EDC3: variants seen among roughly 807,000 people sequenced by gnomAD.
EDC3 encodes the protein enhancer of mRNA decapping 3.
EDC3 carries 20 observed loss-of-function variants against 41.8 expected under a neutral mutation model. The observed-to-expected ratio is 0.48, with a 90% CI of 0.34 to 0.70. The LOEUF (loss-of-function observed/expected upper bound fraction) is 0.70. Among genes scored for constraint, EDC3 ranks in the 30% least tolerant of loss-of-function variants. EDC3 has a pLI of 0.01. For synonymous variants in EDC3, 206 were observed against 243.2 expected (o/e 0.85, Z 1.42); for missense variants, 444 against 636.8 (o/e 0.70, Z 3.26).
intron 1 of EDC3, among the ~76,000 whole-genome samples, chr15:74,682,712 A>AC (rs1178205594): frequency 6.6e-6 from 1 of 151,610 alleles, no homozygotes; most frequent in African/African-American, 2.4e-5. Flanking sequence ...AGAAAGGAAG[A>AC]CCTAGGTTCA....
chr15:74,687,716 T>G (rs1029979776), intron 1 of EDC3, among the ~76,000 whole-genome samples: 2 of 152,178 alleles, frequency 1.3e-5, no homozygotes, highest in Non-Finnish European at 2.9e-5. Flanking sequence ...ACAATAATGA[T>G]GATGGTAAAA....
Position 74,655,818 on chromosome 15 carries a change from G to A in EDC3, c.735C>T (p.Arg245=). ...GIPNERPTRY[R]HDENILESEP... ...CGGACTCCAAGATGTTCTCATCATG[G>A]CGGTACCGAGTGGGCCTTTCATTTG... Residue 245 remains arginine, a synonymous_variant, in exon 4 of 7, where the codon CGC becomes CGT. Transcript: ENST00000315127. 1 of 1,614,124 alleles carries A rather than the reference G, an allele frequency of 6.2e-7. No homozygotes were observed. The highest frequency in any genetic ancestry group is 8.5e-7 in the Non-Finnish European group (1 of 1,180,036).
chr15:74,640,866 A>G (rs2141583458), intron 4 of EDC3: 1 of 508,780 alleles, frequency 2.0e-6, no homozygotes, highest in Non-Finnish European at 3.5e-6. Flanking sequence ...TCCCTTAGCA[A>G]TTTAGCTTTA....
chr15:74,690,824 T>C (rs553632389), intron 1 of EDC3, among the ~76,000 whole-genome samples: 7 of 151,604 alleles, frequency 4.6e-5, no homozygotes, highest in Non-Finnish European at 5.9e-5. Flanking sequence ...CAATCCCCTA[T>C]CTAAATCCAG....
Position 74,684,935 on chromosome 15 carries a change from G to A in EDC3, c.-18-9793C>T, listed in dbSNP as rs142795087. Among the ~76,000 whole-genome samples, 5 of 152,174 alleles carry A rather than the reference G, an allele frequency of 3.3e-5. No homozygotes were observed. In the South Asian group the frequency reaches 1.0e-3, roughly 32 times the overall value. On this transcript the variant is annotated intron_variant, in intron 1 of 6. Transcript: ENST00000315127. ...GAACACTTTCCCCAGCTCTATGAAT[G>A]GTTAGTTCCATCCTGCCTTTCCGAC...
At chr15:74,681,278 G>C (rs1024223752) in intron 1 of EDC3, among the ~76,000 whole-genome samples, 2 of 152,176 alleles carry the variant, frequency 1.3e-5, no homozygotes, top group Non-Finnish European at 2.9e-5. Flanking sequence ...TCAGCCTCCC[G>C]AGTAGCTGGC....
intron 3 of EDC3, among the ~76,000 whole-genome samples, chr15:74,657,177 C>T (rs1426689919): frequency 6.6e-6 from 1 of 152,256 alleles, no homozygotes; most frequent in Non-Finnish European, 1.5e-5. Context: ...GCTGTTAACA[C>T]TTAAGCCATC....
intron 3 of EDC3, 39 bp from the exon 4 acceptor site, chr15:74,656,107 G>T (rs2062545511): frequency 6.4e-7 from 1 of 1,553,148 alleles, no homozygotes; most frequent in Admixed American, 1.9e-5. Context: ...TGTATCCACA[G>T]AAAGCGCTCA....
chr15:74,664,346 C>T (rs1230167320), intron 3 of EDC3, among the ~76,000 whole-genome samples: 1 of 152,242 alleles, frequency 6.6e-6, no homozygotes. Flanking sequence ...AAGCACTTCC[C>T]TTGGAAAAGA....
intron 4 of EDC3, among the ~76,000 whole-genome samples, chr15:74,652,171 G>T (rs2062488382): frequency 6.6e-6 from 1 of 151,800 alleles, no homozygotes; most frequent in Non-Finnish European, 1.5e-5. Context: ...ACCATTGTAA[G>T]TTGGAGGATC....
intron 1 of EDC3, among the ~76,000 whole-genome samples, chr15:74,687,435 G>A (rs561491210): frequency 3.3e-5 from 5 of 152,134 alleles, no homozygotes; most frequent in South Asian, 2.1e-4. Flanking sequence ...GTGCAGTGGC[G>A]CAATCTTGGC....
chr15:74,636,203 C>T, intron 5 of EDC3: 2 of 155,398 alleles, frequency 1.3e-5, no homozygotes, highest in Non-Finnish European at 2.9e-5. Context: ...CCATTCTCCT[C>T]AGTCAGTTGC....
intron 5 of EDC3, chr15:74,636,239 T>C (rs1372434747): frequency 6.5e-6 from 1 of 154,908 alleles, no homozygotes; most frequent in African/African-American, 2.4e-5. Flanking sequence ...CTGAGCTTAG[T>C]AGCTTACTGA....
chr15:74,646,065 T>G (rs966555695), intron 4 of EDC3, among the ~76,000 whole-genome samples: 6 of 70,254 alleles, frequency 8.5e-5, no homozygotes, highest in African/African-American at 6.2e-4. Flanking sequence ...TGTTGTTTTG[T>G]TTTTTTTTTT....
At chr15:74,668,011 G>C (rs2062696537) in intron 3 of EDC3, among the ~76,000 whole-genome samples, 1 of 152,152 alleles carries the variant, frequency 6.6e-6, no homozygotes, top group South Asian at 2.1e-4. Context: ...TATAAACCAT[G>C]GTGATAATAT....
Position 74,671,735 on chromosome 15 carries a change from T to C in EDC3, c.204A>G (p.Pro68=), listed in dbSNP as rs759682563. The C allele has an allele frequency of 6.2e-7, 1 of 1,614,200 alleles. No individual in the cohort carries two copies. Among genetic ancestry groups the C allele is most frequent in the East Asian group, 2.2e-5 (1 of 44,886 alleles). ...CAAAATGTTGGTTGTCTCCAGGTCCTGGTATCTCCAGAATTTTTAACTCCG... is the reference window on the plus strand; with the variant it reads ...CAAAATGTTGGTTGTCTCCAGGTCCCGGTATCTCCAGAATTTTTAACTCCG... The part of the protein sequence containing the change: ...DITELKILEI[P]GPGDNQHFGD... The change falls in exon 3 of 7, where the codon CCA becomes CCG. Residue 68 remains proline (P), a synonymous_variant. Transcript: ENST00000315127. The surrounding 1 kb of genome is among the most constrained non-coding windows in gnomAD (Gnocchi z 4.6).
intron 3 of EDC3, among the ~76,000 whole-genome samples, chr15:74,665,589 A>G (rs2062668744): frequency 6.6e-6 from 1 of 152,162 alleles, no homozygotes; most frequent in African/African-American, 2.4e-5. Context: ...TCTATTTGAC[A>G]AACATTCTGA....
chr15:74,680,230 C>T (rs1433492083), intron 1 of EDC3, among the ~76,000 whole-genome samples: 1 of 138,152 alleles, frequency 7.2e-6, no homozygotes, highest in Non-Finnish European at 1.5e-5. Flanking sequence ...CACTGCACTC[C>T]AGCCTGGGTG....
At chr15:74,649,880 C>T (rs1028070410) in intron 4 of EDC3, among the ~76,000 whole-genome samples, 1 of 151,534 alleles carries the variant, frequency 6.6e-6, no homozygotes, top group African/African-American at 2.4e-5. Context: ...GGTCACAAAA[C>T]CATGTAGGCT....
Sources: gnomAD v4.1 joint callset for allele counts (sites outside exome capture counted in the v4.1 genomes callset) on GRCh38, gnomAD v4.1.1 for gene constraint, Gnocchi (gnomAD v3.1) non-coding constraint, MANE v1.5 for transcripts, NCBI Gene and HGNC (gene_info 2026-07-23, HGNC 2026-07-21) for gene names.